SV2C: variants seen among roughly 807,000 people sequenced by gnomAD.
The protein encoded by SV2C is synaptic vesicle glycoprotein 2C.
SV2C carries 49 observed loss-of-function variants against 79.7 expected under a neutral mutation model. That is an observed-to-expected ratio of 0.61 (90% CI 0.49 to 0.78). The LOEUF is 0.78. Among genes scored for constraint, SV2C ranks in the 30% least tolerant of loss-of-function variants. SV2C has a pLI of 0.00. For missense variants in SV2C, 833 were observed against 912.9 expected, an observed-to-expected ratio of 0.91 and a Z score of 1.13; for synonymous variants, 334 against 333.2, an observed-to-expected ratio of 1.00 and a Z score of -0.03.
chr5:76,315,209 CACACACACACAT>C, intron 12 of SV2C, among the ~76,000 whole-genome samples: 1 of 151,958 alleles, frequency 6.6e-6, no homozygotes. Flanking sequence ...CACACACACA[CACACACACACAT>C]AATAGATACT....
In SV2C at chr5:76,326,986, T is replaced by C. The variant is rs929647788; in HGVS notation, c.*1439T>C. On this transcript the variant is annotated 3_prime_UTR_variant, in exon 13 of 13. Transcript: ENST00000502798. ...GAATAAATCCCATATTTAAACAATA[T>C]TCCTTTTTTAACTGCCTCGATAGAG... 1.3e-5 allele frequency: 2 copies of C among 152,160 alleles called. No individual in the cohort carries two copies. Among genetic ancestry groups the C allele is most frequent in the Admixed American group, 6.5e-5 (1 of 15,276 alleles). 9.4% of individuals were successfully genotyped at this position (152,160 alleles called of 1,614,324 possible).
intron 4 of SV2C, among the ~76,000 whole-genome samples, chr5:76,226,816 G>A (rs1170758627): frequency 2.0e-5 from 3 of 152,198 alleles, no homozygotes; most frequent in Admixed American, 6.5e-5. Context: ...GGAGAAAGAT[G>A]TGTCTCTCTG....
chr5:76,163,390 G>C (rs1742954228), intron 2 of SV2C, among the ~76,000 whole-genome samples: 1 of 152,198 alleles, frequency 6.6e-6, no homozygotes, highest in Non-Finnish European at 1.5e-5. Context: ...GTGTACATGG[G>C]GGACAAAAGC....
At chr5:75,911,727 C>A in the SV2C span, 1 of 653,904 alleles carries the variant, frequency 1.5e-6, no homozygotes, top group Non-Finnish European at 3.0e-6. Flanking sequence ...AGATGGAAGA[C>A]AAGAAAGAGG....
intron 1 of SV2C, among the ~76,000 whole-genome samples, chr5:76,123,572 T>A (rs1748607645): frequency 6.6e-6 from 1 of 152,214 alleles, no homozygotes; most frequent in African/African-American, 2.4e-5. Flanking sequence ...CCTGTTTCAA[T>A]ATATGCAAAT....
chr5:76,002,824 C>A, the SV2C span, among the ~76,000 whole-genome samples: 40 of 151,790 alleles, frequency 2.6e-4, 1 homozygote, highest in East Asian at 7.4e-3. Flanking sequence ...AGATCTGTTT[C>A]TTTTGCATCA....
chr5:76,261,660 C>A (rs915354589), intron 4 of SV2C, among the ~76,000 whole-genome samples: 3 of 152,024 alleles, frequency 2.0e-5, no homozygotes, highest in African/African-American at 7.2e-5. Flanking sequence ...GAAGGAGTGT[C>A]GAATTTTATC....
the SV2C span, among the ~76,000 whole-genome samples, chr5:75,931,700 A>T: frequency 6.6e-6 from 1 of 152,228 alleles, no homozygotes; most frequent in African/African-American, 2.4e-5. Context: ...TCTCTTTGCA[A>T]TATCCTACAA....
At chr5:76,238,197 T>A (rs181086590) in intron 4 of SV2C, among the ~76,000 whole-genome samples, 27 of 152,288 alleles carry the variant, frequency 1.8e-4, no homozygotes, top group Non-Finnish European at 3.7e-4. Context: ...CATCCCTTTG[T>A]CTTTTTATTC....
At chr5:76,236,576 AAATAAAG>A (rs202071594) in intron 4 of SV2C, among the ~76,000 whole-genome samples, 17,588 of 151,610 alleles carry the variant, frequency 0.12, 2,966 homozygotes, top group African/African-American at 0.38. Context: ...AAATAAAATA[AAATAAAG>A]AGAGAGAGAG....
chr5:76,318,057 G>A (rs1242586030), intron 12 of SV2C, among the ~76,000 whole-genome samples: 1 of 151,036 alleles, frequency 6.6e-6, no homozygotes, highest in African/African-American at 2.4e-5. Context: ...GAGGCTGGAT[G>A]TGAGGACAAA....
the SV2C span, among the ~76,000 whole-genome samples, chr5:76,000,247 C>G: frequency 1.8e-3 from 275 of 152,228 alleles, no homozygotes; most frequent in Middle Eastern, 3.4e-3. Flanking sequence ...AGTAACATTT[C>G]CCAGGTACCC....
intron 4 of SV2C, among the ~76,000 whole-genome samples, chr5:76,252,411 C>T (rs1561284151): frequency 6.6e-6 from 1 of 152,148 alleles, no homozygotes; most frequent in Non-Finnish European, 1.5e-5. Flanking sequence ...CGTGAACCAC[C>T]GCTCCCAGCC....
rs141877231 is a variant in SV2C, at chr5:76,265,977, CA to C, written c.914-19181del. The stretch of plus-strand genomic sequence containing the variant: ...TTTTAATCATCACTTTTAAAATCTA[CA>C]AAACAGGCTATGGCAGGGGAACCTG... On this transcript the variant is annotated intron_variant, in intron 4 of 12. Transcript: ENST00000502798. Among the ~76,000 whole-genome samples the C allele has an allele frequency of 6.1e-4, 93 of 152,134 alleles. No individual in the cohort carries two copies. The East Asian group carries it at 0.017, about 28-fold the overall frequency.
chr5:76,164,721 AGTGTGTGTGTGT>A (rs10651569), intron 2 of SV2C, among the ~76,000 whole-genome samples: 1 of 141,794 alleles, frequency 7.1e-6, no homozygotes, highest in African/African-American at 2.7e-5. Context: ...GATGGAACTC[AGTGTGTGTGTGT>A]GTGTGTGTGT....
At chr5:75,926,974 T>C in the SV2C span, among the ~76,000 whole-genome samples, 1 of 152,216 alleles carries the variant, frequency 6.6e-6, no homozygotes, top group Non-Finnish European at 1.5e-5. Flanking sequence ...CTCTTGAGCC[T>C]CTTTACTATT....
chr5:75,911,803 G>C, the SV2C span: 10,864 of 580,254 alleles, frequency 0.019, 356 homozygotes, highest in African/African-American at 0.099. Flanking sequence ...CACAGTACCA[G>C]ACAAGAGCAA....
chr5:76,195,166 C>A, intron 3 of SV2C, 67 bp downstream of exon 3: 1 of 1,520,716 alleles, frequency 6.6e-7, no homozygotes, highest in Non-Finnish European at 8.9e-7. Flanking sequence ...CTCTAGAGAA[C>A]CTTATTGGGA....
the SV2C span, among the ~76,000 whole-genome samples, chr5:76,050,960 TA>T: frequency 6.6e-6 from 1 of 152,138 alleles, no homozygotes; most frequent in Admixed American, 6.6e-5. Context: ...CAAGCCAGAT[TA>T]AAAAGTAAAG....
Sources: gnomAD v4.1 joint callset for allele counts (sites outside exome capture counted in the v4.1 genomes callset) on GRCh38, gnomAD v4.1.1 for gene constraint, MANE v1.5 for transcripts, NCBI Gene and HGNC (gene_info 2026-07-23, HGNC 2026-07-21) for gene names.